Variants in TBCD observed in about 807,000 individuals in gnomAD.
TBCD encodes the protein tubulin folding cofactor D.
TBCD carries 105 observed loss-of-function variants against 169.3 expected under a neutral mutation model. The observed-to-expected ratio is 0.62, with a 90% CI of 0.53 to 0.73. The LOEUF (loss-of-function observed/expected upper bound fraction) is 0.73. TBCD is among the 30% of genes least tolerant of loss of function. The pLI is 0.00. For missense variants in TBCD, 1,444 were observed against 1,600.1 expected (o/e 0.90, Z 1.66); for synonymous variants, 700 against 643.9 (o/e 1.09, Z -1.32).
chr17:82,919,222 C>T (rs868606540), intron 23 of TBCD, among the ~76,000 whole-genome samples: 2 of 152,154 alleles, frequency 1.3e-5, no homozygotes, highest in South Asian at 2.1e-4. Flanking sequence ...AGCAGCCCCT[C>T]GCTGGGTTTT....
At chr17:82,793,314 C>A (rs1373329486) in intron 7 of TBCD, among the ~76,000 whole-genome samples, 1 of 152,172 alleles carries the variant, frequency 6.6e-6, no homozygotes, top group Non-Finnish European at 1.5e-5. Context: ...ACCAGTGCCC[C>A]CTAGGCCCCG....
rs528894803 is a variant in TBCD, at chr17:82,875,580, C to T, written c.1475+5200C>T. ...AGCCTCTGACTTTCGGCCTCCACCT[C>T]GAGCAAACCTGCTGAGCGGCGCGGC... is the stretch of plus-strand genomic sequence containing the variant. On this transcript the variant is annotated intron_variant, in intron 14 of 38. Coordinates refer to ENST00000355528, the MANE Select transcript of TBCD (RefSeq NM_005993.5). Among the ~76,000 whole-genome samples, 5 of 152,330 alleles carry T rather than the reference C, an allele frequency of 3.3e-5. No homozygotes were observed. In the South Asian group the frequency reaches 8.3e-4, roughly 25 times the overall value.
rs147534654 is a variant in TBCD, at chr17:82,914,822, C to T, written c.2038+3033C>T. Among the ~76,000 whole-genome samples, 831 of 152,302 alleles carry T rather than the reference C, an allele frequency of 5.5e-3. 2 individuals are homozygous for T. The highest frequency in any genetic ancestry group is 0.014 in the Middle Eastern group (4 of 294). ...TCAACTCAGGTTTTTTTCTCCTCCT[C>T]GTTCATTTTTACACTTCGTAGGAAA... On this transcript the variant is annotated intron_variant, in intron 23 of 38. Coordinates refer to ENST00000355528, the MANE Select transcript of TBCD (RefSeq NM_005993.5).
At position 82,920,524 on chromosome 17, in the gene TBCD, A is replaced by G. The variant is rs902178928; in HGVS notation, c.2039-32A>G. ...TGGCAGGCGCTTTTAGAAAAGTAAC[A>G]TTGCGTCTATCCTTTTTTTTTTTTT... On this transcript the variant is annotated intron_variant, in intron 23 of 38. Coordinates refer to ENST00000355528, the MANE Select transcript of TBCD (RefSeq NM_005993.5). The surrounding 1 kb of genome is among the most constrained non-coding windows in gnomAD (Gnocchi z 4.1). 8.6e-6 allele frequency: 13 copies of G among 1,511,572 alleles called. No individual in the cohort carries two copies. The highest frequency in any genetic ancestry group is 1.5e-5 in the African/African-American group (1 of 67,238). The allele number at this position is 1,511,572 out of a possible 1,614,324, so 93.6% of individuals were successfully genotyped here. A position where few individuals can be genotyped will look rare whatever the true frequency, so the allele number is the denominator to read the frequency against.
intron 5 of TBCD, among the ~76,000 whole-genome samples, chr17:82,771,935 A>G (rs1041295563): frequency 2.0e-5 from 3 of 149,474 alleles, no homozygotes; most frequent in African/African-American, 7.4e-5. Flanking sequence ...AAAAAAAAAA[A>G]CAAAAACAAA....
intron 14 of TBCD, among the ~76,000 whole-genome samples, chr17:82,871,515 G>C (rs936844285): frequency 4.6e-5 from 7 of 152,254 alleles, no homozygotes; most frequent in Non-Finnish European, 7.3e-5. Flanking sequence ...ACTGACTTCA[G>C]AATTATGCCC....
intron 8 of TBCD, among the ~76,000 whole-genome samples, chr17:82,798,848 T>A (rs2050294068): frequency 6.6e-6 from 1 of 152,184 alleles, no homozygotes; most frequent in Non-Finnish European, 1.5e-5. Context: ...GCTCAAGCCA[T>A]CCTCCCACCT....
Position 82,930,429 on chromosome 17 carries a change from G to A in TBCD, c.2992-93G>A. 2 of 1,520,100 alleles carry A rather than the reference G, an allele frequency of 1.3e-6. No homozygotes were observed. The highest frequency in any genetic ancestry group is 4.0e-5 in the Admixed American group (2 of 49,392). 94.2% of individuals were successfully genotyped at this position (1,520,100 alleles called of 1,614,324 possible). A position where few individuals can be genotyped will look rare whatever the true frequency, so the allele number is the denominator to read the frequency against. On this transcript the variant is annotated intron_variant, in intron 32 of 38. Coordinates refer to ENST00000355528, the MANE Select transcript of TBCD (RefSeq NM_005993.5). The surrounding 1 kb of genome is among the most constrained non-coding windows in gnomAD (Gnocchi z 5.2). Reference sequence around the variant, plus strand: ...CGTCTCTGCAGCTCGGAGCAGTTCTGCTCTTCAGCAGATGCTTGACCGGCT... The same window carrying A: ...CGTCTCTGCAGCTCGGAGCAGTTCTACTCTTCAGCAGATGCTTGACCGGCT...
chr17:82,756,480 GT>G (rs998354953), intron 2 of TBCD, among the ~76,000 whole-genome samples: 4 of 150,496 alleles, frequency 2.7e-5, no homozygotes, highest in Non-Finnish European at 5.9e-5. Context: ...TGTTTTTTTT[GT>G]TTTTTTTTCT....
intron 28 of TBCD, chr17:82,926,812 C>A (rs1780958941): frequency 3.9e-6 from 2 of 508,734 alleles, no homozygotes; most frequent in East Asian, 7.0e-5. Context: ...GACAGACACG[C>A]ACCTGGGGCC....
At chr17:82,752,442 T>G in intron 1 of TBCD, 65 bp downstream of exon 1, 5 of 1,132,916 alleles carry the variant, frequency 4.4e-6, no homozygotes, top group Non-Finnish European at 4.4e-6. Context: ...TGAGTGCACT[T>G]TACCGGGCGG....
At chr17:82,856,749 C>G (rs926629772) in intron 13 of TBCD, among the ~76,000 whole-genome samples, 1 of 147,240 alleles carries the variant, frequency 6.8e-6, no homozygotes, top group East Asian at 2.0e-4. Context: ...TGCGGACCCT[C>G]GCTGCGCATC....
chr17:82,933,584 C>T (rs7406464), intron 34 of TBCD, among the ~76,000 whole-genome samples: 76,035 of 150,938 alleles, frequency 0.5, 19,308 homozygotes, highest in East Asian at 0.65. Flanking sequence ...TTGGGTCATC[C>T]GGAGACAGCG....
Position 82,889,779 on chromosome 17 carries a change from G to A in TBCD, c.1563+82G>A, listed in dbSNP as rs978027400. ...GAATCTTGAGAGCTATAACCCTGGT[G>A]TCTTCTCGCACTGTGAGATGTGGTG... On this transcript the variant is annotated intron_variant, in intron 16 of 38. Coordinates refer to ENST00000355528, the MANE Select transcript of TBCD (RefSeq NM_005993.5). The surrounding 1 kb of genome is among the most constrained non-coding windows in gnomAD (Gnocchi z 5.3). The A allele has an allele frequency of 6.5e-7, 1 of 1,529,738 alleles. No individual in the cohort carries two copies. Among genetic ancestry groups the A allele is most frequent in the Non-Finnish European group, 9.0e-7 (1 of 1,112,710 alleles). 94.8% of individuals were successfully genotyped at this position (1,529,738 alleles called of 1,614,324 possible).
At chr17:82,925,128 G>A in intron 27 of TBCD, 71 bp downstream of exon 27, 1 of 1,208,280 alleles carries the variant, frequency 8.3e-7, no homozygotes, top group African/African-American at 1.5e-5. Flanking sequence ...TGGGGCATGA[G>A]GTAGGCCCAG....
intron 14 of TBCD, among the ~76,000 whole-genome samples, chr17:82,881,661 T>C (rs2058359868): frequency 6.6e-6 from 1 of 152,208 alleles, no homozygotes; most frequent in East Asian, 1.9e-4. Flanking sequence ...TTGATGTCGT[T>C]GTGGAGCCCG....
intron 13 of TBCD, among the ~76,000 whole-genome samples, chr17:82,856,343 A>C (rs1469255617): frequency 6.6e-6 from 1 of 151,756 alleles, no homozygotes; most frequent in East Asian, 2.0e-4. Flanking sequence ...CAGTGGCTTA[A>C]TGCCTGTAAT....
intron 13 of TBCD, chr17:82,829,961 T>G: frequency 6.1e-6 from 6 of 977,318 alleles, no homozygotes; most frequent in Non-Finnish European, 8.9e-6. Context: ...TTAATATTCA[T>G]GCTTAATATT....
At chr17:82,816,559 G>A (rs907583639) in intron 13 of TBCD, among the ~76,000 whole-genome samples, 16 of 151,042 alleles carry the variant, frequency 1.1e-4, no homozygotes, top group African/African-American at 3.4e-4. Flanking sequence ...TTTTGGACGC[G>A]GTTTCACTTT....
Sources: allele counts gnomAD v4.1 joint callset (sites outside exome capture counted in the v4.1 genomes callset), GRCh38; gene constraint gnomAD v4.1.1; non-coding constraint Gnocchi (gnomAD v3.1); transcripts MANE v1.5; gene names NCBI Gene and HGNC (gene_info 2026-07-23, HGNC 2026-07-21).